Variants in STK39 observed in about 807,000 individuals in gnomAD.
STK39 encodes serine/threonine kinase 39, also known as STE20/SPS1-related proline-alanine-rich protein kinase.
STK39 carries 20 observed loss-of-function variants against 77.8 expected under a neutral mutation model. The observed-to-expected ratio is 0.26, with a 90% CI of 0.18 to 0.37. The LOEUF (loss-of-function observed/expected upper bound fraction) is 0.37, where lower values mean the gene tolerates loss of function less well. Among genes scored for constraint, STK39 ranks in the 10% least tolerant of loss-of-function variants. STK39 has a pLI of 1.00. For synonymous variants in STK39, 246 were observed against 234.1 expected, an observed-to-expected ratio of 1.05 and a Z score of -0.47; for missense variants, 479 against 656.5, an observed-to-expected ratio of 0.73 and a Z score of 2.95.
At chr2:168,214,254 AAC>A (rs1491535254) in intron 1 of STK39, among the ~76,000 whole-genome samples, 215 of 5,488 alleles carry the variant, frequency 0.039, 1 homozygote, top group South Asian at 0.27. Context: ...CAACAACAAC[AAC>A]AAAAAAAAAA....
At chr2:168,012,505 A>C in intron 16 of STK39, 129 bp downstream of exon 16, 1 of 738,662 alleles carries the variant, frequency 1.4e-6, no homozygotes, top group East Asian at 2.9e-5. Flanking sequence ...TCTACATAAA[A>C]GATAAGAATT....
chr2:168,156,836 G>A (rs548876322), intron 5 of STK39, among the ~76,000 whole-genome samples: 4 of 152,260 alleles, frequency 2.6e-5, no homozygotes, highest in East Asian at 1.9e-4. Context: ...GGATGCCTCC[G>A]GGGCTTTCAG....
At chr2:168,199,475 C>T (rs1049676261) in intron 1 of STK39, among the ~76,000 whole-genome samples, 3 of 151,958 alleles carry the variant, frequency 2.0e-5, no homozygotes, top group South Asian at 2.1e-4. Flanking sequence ...AGTGCCACTT[C>T]AAGGAATTCC....
At chr2:167,983,312 T>C (rs1158859664) in intron 16 of STK39, among the ~76,000 whole-genome samples, 1 of 151,900 alleles carries the variant, frequency 6.6e-6, no homozygotes, top group East Asian at 1.9e-4. Context: ...AAACCCTGTC[T>C]CTACTAAAAA....
At chr2:167,981,520 G>C (rs1461913175) in intron 16 of STK39, among the ~76,000 whole-genome samples, 1 of 152,154 alleles carries the variant, frequency 6.6e-6, no homozygotes, top group Non-Finnish European at 1.5e-5. Flanking sequence ...TTCACAATCA[G>C]TGGTAGAAGA....
intron 10 of STK39, among the ~76,000 whole-genome samples, chr2:168,109,369 T>C (rs1434583300): frequency 6.6e-6 from 1 of 152,220 alleles, no homozygotes; most frequent in African/African-American, 2.4e-5. Flanking sequence ...CTTCTATAGT[T>C]TGCTCTTTTT....
chr2:168,217,360 C>G (rs1013771996), intron 1 of STK39, among the ~76,000 whole-genome samples: 1 of 152,126 alleles, frequency 6.6e-6, no homozygotes, highest in Non-Finnish European at 1.5e-5. Flanking sequence ...AGGCCAGTAT[C>G]CGGATGCAGG....
At chr2:168,090,218 G>A (rs1465438765) in intron 10 of STK39, among the ~76,000 whole-genome samples, 2 of 152,212 alleles carry the variant, frequency 1.3e-5, no homozygotes, top group African/African-American at 2.4e-5. Context: ...CCGAAAGTAA[G>A]ATGCAGTTAC....
At chr2:168,087,260 A>G (rs1686392448) in intron 10 of STK39, among the ~76,000 whole-genome samples, 1 of 152,214 alleles carries the variant, frequency 6.6e-6, no homozygotes, top group African/African-American at 2.4e-5. Flanking sequence ...CACACAGCCA[A>G]CCAAATATGG....
At chr2:168,065,504 C>A in intron 12 of STK39, 123 bp from the exon 13 acceptor site, 1 of 1,001,130 alleles carries the variant, frequency 1.0e-6, no homozygotes, top group Non-Finnish European at 1.5e-6. Context: ...CAATATTTAC[C>A]AAAGTGTGGC....
At chr2:168,126,197 G>T (rs186897371) in intron 10 of STK39, among the ~76,000 whole-genome samples, 11 of 152,162 alleles carry the variant, frequency 7.2e-5, no homozygotes, top group Admixed American at 2.0e-4. Context: ...GAAAAACAGC[G>T]AACTGATAAG....
At chr2:168,038,920 AAC>A (rs1313815419) in intron 14 of STK39, among the ~76,000 whole-genome samples, 1 of 152,208 alleles carries the variant, frequency 6.6e-6, no homozygotes, top group African/African-American at 2.4e-5. Context: ...AATGTAGAGG[AAC>A]TAGAATTCTC....
At chr2:168,164,271 T>G (rs1397193683) in intron 3 of STK39, among the ~76,000 whole-genome samples, 1 of 152,104 alleles carries the variant, frequency 6.6e-6, no homozygotes, top group East Asian at 1.9e-4. Flanking sequence ...AGTGAACTGC[T>G]GAGAGAAAAA....
chr2:168,045,119 CA>C (rs993342258), intron 14 of STK39, among the ~76,000 whole-genome samples: 4 of 151,104 alleles, frequency 2.6e-5, no homozygotes, highest in East Asian at 3.9e-4. Context: ...TATAAGTGAC[CA>C]AAAAAAAGTT....
intron 13 of STK39, among the ~76,000 whole-genome samples, chr2:168,064,071 G>T (rs557249186): frequency 6.6e-6 from 1 of 152,224 alleles, no homozygotes; most frequent in East Asian, 1.9e-4. Context: ...TGTTCTCAGG[G>T]AATCCCGGGA....
chr2:168,070,241 C>T (rs1429490232), intron 12 of STK39, among the ~76,000 whole-genome samples: 2 of 152,032 alleles, frequency 1.3e-5, no homozygotes, highest in African/African-American at 2.4e-5. Context: ...TTATGAAATT[C>T]CCACAGTGCC....
chr2:168,091,236 C>T (rs1017346781), intron 10 of STK39, among the ~76,000 whole-genome samples: 4 of 151,790 alleles, frequency 2.6e-5, no homozygotes, highest in Admixed American at 6.6e-5. Context: ...GGTCTGATTC[C>T]AGCACAAGTT....
At chr2:168,213,828 T>A (rs1689955977) in intron 1 of STK39, among the ~76,000 whole-genome samples, 1 of 152,232 alleles carries the variant, frequency 6.6e-6, no homozygotes, top group Non-Finnish European at 1.5e-5. Context: ...AATGAATATA[T>A]ATGACTTTAG....
At position 168,174,843 on chromosome 2, in the gene STK39, A is replaced by AC. The variant is rs201875684; in HGVS notation, c.321+7134_321+7135insG. 7.8e-3 allele frequency among the ~76,000 whole-genome samples: 1,181 copies of AC among 151,684 alleles called. 14 individuals carry two copies. Among genetic ancestry groups the AC allele is most frequent in the African/African-American group, 0.027 (1,126 of 41,330 alleles). ...AAGACTTCATCTCTTAAAAAAAAAA[A>AC]AAAAAAAAACACCCAAGAAACCAGA... On this transcript the variant is annotated intron_variant, in intron 2 of 17. Transcript: ENST00000355999.
Sources: gnomAD v4.1 joint callset for allele counts (sites outside exome capture counted in the v4.1 genomes callset) on GRCh38, gnomAD v4.1.1 for gene constraint, MANE v1.5 for transcripts, NCBI Gene and HGNC (gene_info 2026-07-23, HGNC 2026-07-21) for gene names.